LOXL2: variants seen among roughly 807,000 people sequenced by gnomAD.
LOXL2 encodes the protein lysyl oxidase homolog 2.
LOXL2 carries 70 observed loss-of-function variants against 93.0 expected under a neutral mutation model. The ratio of observed to expected loss-of-function variants is 0.75; its 90% CI spans 0.62 to 0.92. The LOEUF (loss-of-function observed/expected upper bound fraction) is 0.92, where lower values mean the gene tolerates loss of function less well. Among genes scored for constraint, LOXL2 ranks in the 40% least tolerant of loss-of-function variants. The pLI is 0.00. For synonymous variants in LOXL2, 438 were observed against 413.2 expected, an observed-to-expected ratio of 1.06 and a Z score of -0.73; for missense variants, 973 against 1,054.9, an observed-to-expected ratio of 0.92 and a Z score of 1.08.
At chr8:23,371,751 C>CAAAAAAAAA (rs55780832) in intron 1 of LOXL2, among the ~76,000 whole-genome samples, 4 of 43,898 alleles carry the variant, frequency 9.1e-5, no homozygotes, top group East Asian at 1.7e-3. Context: ...GAGTCTGTCT[C>CAAAAAAAAA]AAAAAAAAAA....
chr8:23,359,731 C>T (rs1804258049), intron 3 of LOXL2, among the ~76,000 whole-genome samples: 2 of 152,228 alleles, frequency 1.3e-5, no homozygotes, highest in African/African-American at 4.8e-5. Flanking sequence ...CATTTTCCCA[C>T]CCAAAGGGCA....
intron 4 of LOXL2, among the ~76,000 whole-genome samples, chr8:23,334,659 A>G (rs1803760786): frequency 1.3e-5 from 2 of 151,216 alleles, no homozygotes; most frequent in Non-Finnish European, 2.9e-5. Context: ...AAGGCAGAAT[A>G]TAGATGCAGG....
chr8:23,367,021 C>G (rs1241505858), intron 2 of LOXL2, among the ~76,000 whole-genome samples: 2 of 152,140 alleles, frequency 1.3e-5, no homozygotes, highest in African/African-American at 4.8e-5. Flanking sequence ...TGCCTCAAAG[C>G]TGTTAAAGCA....
intron 3 of LOXL2, among the ~76,000 whole-genome samples, chr8:23,352,028 G>A (rs1408077513): frequency 6.7e-6 from 1 of 149,748 alleles, no homozygotes; most frequent in Non-Finnish European, 1.5e-5. Flanking sequence ...GGCCAGGCTG[G>A]TCTCGAACTC....
rs145598645 is a variant in LOXL2 at position 23,310,898 on chromosome 8, C to T, written c.1637-987G>A. Among the ~76,000 whole-genome samples, 97 of 152,358 alleles carry T rather than the reference C, an allele frequency of 6.4e-4. No individual in the cohort carries two copies. In the East Asian group the frequency reaches 0.012, roughly 19 times the overall value. ...TAAACAATTGTATTAGAAAGCTTAG[C>T]TTCTTTGCAAAAGGATTAACTGTAG... On this transcript the variant is annotated intron_variant, in intron 9 of 13. Transcript: ENST00000389131.
intron 5 of LOXL2, 78 bp from the exon 6 acceptor site, chr8:23,328,643 T>G: frequency 4.4e-6 from 6 of 1,369,422 alleles, no homozygotes; most frequent in Non-Finnish European, 5.1e-6. Flanking sequence ...GCCCCCTCCC[T>G]TCCCTGCCAC....
intron 6 of LOXL2, among the ~76,000 whole-genome samples, chr8:23,325,466 A>C (rs1396718462): frequency 6.6e-6 from 1 of 152,060 alleles, no homozygotes; most frequent in African/African-American, 2.4e-5. Context: ...ATTTTTAAAA[A>C]AATTTTGTAG....
chr8:23,328,661 C>A, intron 5 of LOXL2, 96 bp from the exon 6 acceptor site: 1 of 1,167,382 alleles, frequency 8.6e-7, no homozygotes, highest in East Asian at 2.4e-5. Flanking sequence ...CACCCTGTTC[C>A]CAGGCCAGGC....
At chr8:23,310,705 GCC>G in intron 9 of LOXL2, among the ~76,000 whole-genome samples, 1 of 152,142 alleles carries the variant, frequency 6.6e-6, no homozygotes, top group South Asian at 2.1e-4. Flanking sequence ...GATTCCTACT[GCC>G]AAATTGCCTT....
In LOXL2 at chr8:23,335,016, G is replaced by A. The variant is rs534019761; in HGVS notation, c.744-1393C>T. Among the ~76,000 whole-genome samples, 14 of 152,150 alleles carry A rather than the reference G, an allele frequency of 9.2e-5. No individual in the cohort carries two copies. In the East Asian group the frequency reaches 1.2e-3, roughly 13 times the overall value. ...TTTTTAGTAGAGACAGTGTTTCACC[G>A]TGTTGCCAGGCTGCTCTCGAACTCC... On this transcript the variant is annotated intron_variant, in intron 4 of 13. Coordinates refer to ENST00000389131, the MANE Select transcript of LOXL2 (RefSeq NM_002318.3).
chr8:23,372,517 C>A, intron 1 of LOXL2, among the ~76,000 whole-genome samples: 1 of 152,068 alleles, frequency 6.6e-6, no homozygotes, highest in South Asian at 2.1e-4. Flanking sequence ...CACGCCCAGC[C>A]CAATCCAGCT....
intron 3 of LOXL2, among the ~76,000 whole-genome samples, chr8:23,354,018 A>G (rs2117197813): frequency 6.6e-6 from 1 of 152,292 alleles, no homozygotes; most frequent in South Asian, 2.1e-4. Context: ...GGATGCTCCA[A>G]GCAGCTGTAG....
intron 1 of LOXL2, among the ~76,000 whole-genome samples, chr8:23,375,825 AAGG>A (rs1204577412): frequency 2.0e-5 from 3 of 152,180 alleles, no homozygotes; most frequent in African/African-American, 7.2e-5. Flanking sequence ...TTATCAGCTT[AAGG>A]AGATTTTGGG....
At chr8:23,317,532 T>C (rs1364713310) in intron 8 of LOXL2, among the ~76,000 whole-genome samples, 2 of 152,194 alleles carry the variant, frequency 1.3e-5, no homozygotes, top group African/African-American at 2.4e-5. Flanking sequence ...TCCAGGAAGA[T>C]GTTACTGGTT....
chr8:23,348,618 C>T (rs1014588331), intron 3 of LOXL2, among the ~76,000 whole-genome samples: 23 of 152,170 alleles, frequency 1.5e-4, no homozygotes, highest in African/African-American at 5.3e-4. Flanking sequence ...TGGCTCACGC[C>T]TGTAATCCTA....
Position 23,368,250 on chromosome 8 carries a change from G to A in LOXL2, c.102C>T (p.Pro34=), listed in dbSNP as rs756261557. The part of the protein sequence containing the change: ...LAQYDSWPHY[P]EYFQQPAPEY... ...CAGGAGCCGGTTGCTGGAAGTACTC[G>A]GGGTAATGGGGCCAGCTGTCATACT... Residue 34 remains proline (P), a synonymous_variant, in exon 2 of 14, where the codon CCC becomes CCT. Coordinates refer to ENST00000389131, the MANE Select transcript of LOXL2 (RefSeq NM_002318.3). 1.4e-5 allele frequency: 22 copies of A among 1,613,788 alleles called. No homozygotes were observed. The highest frequency in any genetic ancestry group is 8.0e-5 in the African/African-American group (6 of 74,938).
chr8:23,402,160 GCA>G (rs1800159723), intron 1 of LOXL2, among the ~76,000 whole-genome samples: 1 of 151,962 alleles, frequency 6.6e-6, no homozygotes, highest in Non-Finnish European at 1.5e-5. Context: ...GAATACATAT[GCA>G]CACACATTGC....
In LOXL2 at chr8:23,385,979, C is replaced by T. The variant is rs769088332; in HGVS notation, c.-83-17545G>A. On this transcript the variant is annotated intron_variant, in intron 1 of 13. Coordinates refer to ENST00000389131, the MANE Select transcript of LOXL2 (RefSeq NM_002318.3). Reference sequence around the variant, plus strand: ...GTTTGGTGGCCCCATATGGTGGTGGCTGCCATACTGCACAACACAGCTTTG... The same window carrying T: ...GTTTGGTGGCCCCATATGGTGGTGGTTGCCATACTGCACAACACAGCTTTG... 2.9e-5 allele frequency: 22 copies of T among 765,290 alleles called. No homozygotes were observed. In the East Asian group the frequency reaches 5.3e-4, roughly 19 times the overall value. 47.4% of individuals were successfully genotyped at this position (765,290 alleles called of 1,614,324 possible).
intron 3 of LOXL2, among the ~76,000 whole-genome samples, chr8:23,342,431 TTC>T (rs1563196215): frequency 2.7e-5 from 4 of 145,854 alleles, no homozygotes; most frequent in Admixed American, 2.0e-4. Context: ...TTTTTTCTTT[TTC>T]TTTTTTTTTT....
Sources: allele counts gnomAD v4.1 joint callset (sites outside exome capture counted in the v4.1 genomes callset), GRCh38; gene constraint gnomAD v4.1.1; transcripts MANE v1.5; gene names NCBI Gene and HGNC (gene_info 2026-07-23, HGNC 2026-07-21).